Variants in LETMD1 observed in about 807,000 individuals in gnomAD.
The protein encoded by LETMD1 is LETM1 domain containing 1, also known as LETM1 domain-containing protein 1.
Under a neutral mutation model 43.9 loss-of-function variants are expected in LETMD1, and 30 were observed. The observed-to-expected ratio is 0.68, with a 90% CI of 0.51 to 0.93. LETMD1 has a LOEUF of 0.93. Ranked by LOEUF, LETMD1 falls within the 40% of genes least tolerant of loss-of-function variation. The pLI is 0.00. For synonymous variants in LETMD1, 176 were observed against 163.1 expected (o/e 1.08, Z -0.60); for missense variants, 413 against 447.7 (o/e 0.92, Z 0.70).
rs1161644449 is a variant in LETMD1, at chr12:51,059,353, GT to G, written c.1013-4del. The G allele has an allele frequency of 6.2e-7, 1 of 1,614,028 alleles. No individual in the cohort carries two copies. Among genetic ancestry groups the G allele is most frequent in the South Asian group, 1.1e-5 (1 of 91,076 alleles). On this transcript the variant is annotated splice_polypyrimidine_tract_variant and splice_region_variant and intron_variant, in intron 8 of 8. Coordinates refer to ENST00000262055, the MANE Select transcript of LETMD1 (RefSeq NM_015416.5). ...TCCCAAGCCAAACCACTAACACTGT[GT>G]TTTCAGAAGCTGAGCTGTCTCTCTT...
At chr12:51,063,462 G>T, downstream of LETMD1, 1 of 227,446 alleles carries the variant, frequency 4.4e-6, no homozygotes, top group Non-Finnish European at 8.6e-6. Flanking sequence ...AGCTTTTCCT[G>T]TGAGATCCTA....
At chr12:51,054,016 T>C (rs1300497517) in intron 4 of LETMD1, among the ~76,000 whole-genome samples, 156 bp downstream of exon 4, 1 of 152,124 alleles carries the variant, frequency 6.6e-6, no homozygotes, top group Non-Finnish European at 1.5e-5. Context: ...AAAAACCACT[T>C]AGGAAGACCT....
intron 3 of LETMD1, among the ~76,000 whole-genome samples, chr12:51,053,571 A>G (rs1946772182): frequency 6.6e-6 from 1 of 152,178 alleles, no homozygotes; most frequent in Non-Finnish European, 1.5e-5. Flanking sequence ...TGAACCCAGG[A>G]GGCAGAGGTT....
intron 1 of LETMD1, 28 bp downstream of exon 1, chr12:51,048,506 T>G: frequency 2.5e-6 from 4 of 1,609,954 alleles, no homozygotes; most frequent in Non-Finnish European, 3.4e-6. Flanking sequence ...AGAAAAGCAT[T>G]TTTGACGTCC....
In LETMD1 at chr12:51,048,883, A is replaced by G. The variant is rs529781946; in HGVS notation, c.123-151A>G. 4.6e-4 allele frequency: 333 copies of G among 725,062 alleles called. 4 individuals carry two copies. In the South Asian group the frequency reaches 6.4e-3, roughly 14 times the overall value. 44.9% of individuals were successfully genotyped at this position (725,062 alleles called of 1,614,324 possible). A position where few individuals can be genotyped will look rare whatever the true frequency, so the allele number is the denominator to read the frequency against. The stretch of plus-strand genomic sequence containing the variant: ...TTTGTGTTTCACAGTCTGATTGCCT[A>G]TCTCTTCTTGACCCCAAGACCTTCC... On this transcript the variant is annotated intron_variant, in intron 1 of 8. Coordinates refer to ENST00000262055, the MANE Select transcript of LETMD1 (RefSeq NM_015416.5).
the LETMD1 span, among the ~76,000 whole-genome samples, chr12:51,068,924 A>T: frequency 6.6e-6 from 1 of 152,228 alleles, no homozygotes; most frequent in East Asian, 1.9e-4. Flanking sequence ...AAATATATTA[A>T]CAGGTATTAA....
At chr12:51,050,611 C>G (rs1308825685) in intron 2 of LETMD1, among the ~76,000 whole-genome samples, 1 of 152,136 alleles carries the variant, frequency 6.6e-6, no homozygotes, top group African/African-American at 2.4e-5. Context: ...TATCATAACT[C>G]ATGGCTGCCA....
intron 3 of LETMD1, 74 bp from the exon 4 acceptor site, chr12:51,053,704 T>C (rs1420589649): frequency 3.1e-6 from 3 of 971,496 alleles, no homozygotes; most frequent in Non-Finnish European, 4.9e-6. Flanking sequence ...TACTGTACAG[T>C]GGGGTGGATG....
At chr12:51,065,597 A>C in the LETMD1 span, among the ~76,000 whole-genome samples, 1 of 151,892 alleles carries the variant, frequency 6.6e-6, no homozygotes, top group Admixed American at 6.6e-5. Flanking sequence ...TGCTGGGATT[A>C]CAGGTGTGAG....
intron 4 of LETMD1, among the ~76,000 whole-genome samples, chr12:51,054,664 C>CA (rs1947119141): frequency 6.6e-6 from 1 of 152,184 alleles, no homozygotes; most frequent in African/African-American, 2.4e-5. Context: ...CACATAGAGT[C>CA]ACTGCTGCTC....
rs36057122 is a variant in LETMD1 at position 51,057,627 on chromosome 12, C to CTT, written c.916-390_916-389dup. ...GCTTCATGTGGGAATGAGATTGTAA[C>CTT]TTTTTTTTTTTTTTTTGAGACAGAG... On this transcript the variant is annotated intron_variant, in intron 7 of 8. Coordinates refer to ENST00000262055, the MANE Select transcript of LETMD1 (RefSeq NM_015416.5). 1,164 of 162,660 alleles carry CTT rather than the reference C, an allele frequency of 7.2e-3. 7 individuals carry two copies. Among genetic ancestry groups the CTT allele is most frequent in the South Asian group, 0.01 (77 of 7,448 alleles). 10.1% of individuals were successfully genotyped at this position (162,660 alleles called of 1,614,324 possible).
chr12:51,048,413 C>A lies in LETMD1; in HGVS notation c.57C>A (p.Thr19=). Residue 19 remains threonine, a synonymous_variant, in exon 1 of 9, where the codon ACC becomes ACA. Transcript: ENST00000262055. ...CGGCTGTGTGGGGCTCGGCAGTCAC[C>A]CCTGGACATTTTGTCACCCGGAGGC... ...ARSAVWGSAV[T]PGHFVTRRLQ... is the part of the protein sequence containing the mutation. 6.2e-7 allele frequency: 1 copy of A among 1,614,058 alleles called. No individual in the cohort carries two copies.
chr12:51,048,666 T>G, intron 1 of LETMD1, 188 bp downstream of exon 1: 1 of 695,302 alleles, frequency 1.4e-6, no homozygotes, highest in Non-Finnish European at 2.3e-6. Flanking sequence ...GTACTCTCAG[T>G]GCCCCATATT....
chr12:51,066,158 A>G, the LETMD1 span, among the ~76,000 whole-genome samples: 3 of 152,046 alleles, frequency 2.0e-5, no homozygotes, highest in Non-Finnish European at 2.9e-5. Context: ...TGTCTCTACT[A>G]AAAATACAAA....
chr12:51,052,640 G>A (rs1002633602), intron 3 of LETMD1, among the ~76,000 whole-genome samples: 6 of 152,044 alleles, frequency 3.9e-5, no homozygotes, highest in African/African-American at 1.2e-4. Context: ...AATTAGCTGA[G>A]TGTGGTGGCG....
In LETMD1 at chr12:51,055,952, T is replaced by C. The variant is rs760255128; in HGVS notation, c.591T>C (p.Tyr197=). 3 of 1,614,020 alleles carry C rather than the reference T, an allele frequency of 1.9e-6. No individual in the cohort carries two copies. Among genetic ancestry groups the C allele is most frequent in the Non-Finnish European group, 2.5e-6 (3 of 1,179,982 alleles). ...RKQSHPEIIS[Y]LEKVIPLISD... ...AGTCCCACCCAGAAATTATTAGTTA[T>C]TTAGAAAAGGTCATCCCTCTCATTT... The change falls in exon 5 of 9, where the codon TAT becomes TAC. Residue 197 remains tyrosine (Y), a synonymous_variant. Transcript: ENST00000262055.
At chr12:51,049,261 T>C (rs1339862220) in intron 2 of LETMD1, 76 bp downstream of exon 2, 4 of 1,345,668 alleles carry the variant, frequency 3.0e-6, no homozygotes, top group Non-Finnish European at 3.1e-6. Context: ...AATAAGATCA[T>C]TTGCAGGTTC....
intron 2 of LETMD1, 84 bp downstream of exon 2, chr12:51,049,269 T>C: frequency 8.0e-7 from 1 of 1,256,760 alleles, no homozygotes; most frequent in Non-Finnish European, 1.1e-6. Flanking sequence ...CATTTGCAGG[T>C]TCTGCTATGG....
chr12:51,053,887 C>T (rs1291750895), intron 4 of LETMD1, 27 bp downstream of exon 4: 14 of 1,430,180 alleles, frequency 9.8e-6, no homozygotes, highest in Non-Finnish European at 1.3e-5. Flanking sequence ...ATCTCCCCAA[C>T]ATCTTGAAGA....
Sources: allele counts gnomAD v4.1 joint callset (sites outside exome capture counted in the v4.1 genomes callset), GRCh38; gene constraint gnomAD v4.1.1; transcripts MANE v1.5; gene names NCBI Gene and HGNC (gene_info 2026-07-23, HGNC 2026-07-21).